Variants in IFT172 observed in about 807,000 individuals in gnomAD.
IFT172 encodes intraflagellar transport protein 172 homolog.
Under a neutral mutation model 248.9 loss-of-function variants are expected in IFT172, and 164 were observed. The ratio of observed to expected loss-of-function variants is 0.66; its 90% CI spans 0.58 to 0.75. IFT172 has a LOEUF of 0.75. Ranked by LOEUF, IFT172 falls within the 30% of genes least tolerant of loss-of-function variation. The probability of loss-of-function intolerance (pLI) is 0.00; values close to 1 mark genes in which losing one functional copy is unlikely to be tolerated. For synonymous variants in IFT172, 729 were observed against 791.6 expected (o/e 0.92, Z 1.33); for missense variants, 1,950 against 2,192.4 (o/e 0.89, Z 2.21).
chr2:27,446,428 G>C (rs1572712077), intron 42 of IFT172, 73 bp from the exon 43 acceptor site: 9 of 1,307,872 alleles, frequency 6.9e-6, no homozygotes, highest in African/African-American at 1.5e-5. Flanking sequence ...ATCCTGTAAG[G>C]CAGCCACAGA....
intron 43 of IFT172, 60 bp from the exon 44 acceptor site, chr2:27,446,048 T>G: frequency 6.3e-7 from 1 of 1,596,834 alleles, no homozygotes; most frequent in East Asian, 2.2e-5. Flanking sequence ...GCTACTTCTC[T>G]GGGATCCAGA....
chr2:27,454,171 A>C lies in IFT172; in HGVS notation c.3531-9T>G. On this transcript the variant is annotated splice_polypyrimidine_tract_variant and intron_variant, in intron 32 of 47. Coordinates refer to ENST00000260570, the MANE Select transcript of IFT172 (RefSeq NM_015662.3). This position sits in a 1 kb window ranked among gnomAD's most constrained non-coding sequence, Gnocchi z 4.2. ...CCTGGTTATGGACAAACCTGCCTCC[A>C]GGTGGGGACAGAGGAGAGACTGAGT... is the stretch of plus-strand genomic sequence containing the variant. 1 of 1,609,786 alleles carries C rather than the reference A, an allele frequency of 6.2e-7. No homozygotes were observed. The highest frequency in any genetic ancestry group is 1.3e-5 in the African/African-American group (1 of 74,908).
Position 27,445,431 on chromosome 2 carries a change from C to T in IFT172, c.4933G>A (p.Val1645Ile), listed in dbSNP as rs149117098. 4.9e-4 allele frequency: 788 copies of T among 1,611,342 alleles called. 1 individual carries two copies. Among genetic ancestry groups the T allele is most frequent in the Middle Eastern group, 5.1e-4 (3 of 5,840 alleles). The change falls in exon 46 of 48, where the codon GTT (valine) becomes ATT (isoleucine). Residue 1645 changes from valine (V) to isoleucine (I), a missense_variant. Around this residue, in one of 3 missense-constraint regions of IFT172, gnomAD observed 620 missense variants for 699.0 expected, o/e 0.89. Coordinates refer to ENST00000260570, the MANE Select transcript of IFT172 (RefSeq NM_015662.3). This position sits in a 1 kb window ranked among gnomAD's most constrained non-coding sequence, Gnocchi z 4.4. ...GAGACTGTAAGCACCCAGTCTCGAA[C>T]CTCTTCTCTCTCAGCCTCCTGGAAA... ...QHVPEAEREE[V>I]RDWVLTVSMD...
intron 30 of IFT172, among the ~76,000 whole-genome samples, chr2:27,456,105 G>A (rs528688301): frequency 3.9e-5 from 6 of 152,076 alleles, no homozygotes; most frequent in East Asian, 1.9e-4. Context: ...CCAGCTACTC[G>A]GGAGGCTGAG....
Position 27,445,380 on chromosome 2 carries a change from G to A in IFT172, c.4984C>T (p.Leu1662=), listed in dbSNP as rs1664971075. 1.9e-6 allele frequency: 3 copies of A among 1,612,912 alleles called. No individual in the cohort carries two copies. The highest frequency in any genetic ancestry group is 2.7e-5 in the African/African-American group (2 of 74,910). The change falls in exon 46 of 48, where the codon CTG becomes TTG. Residue 1662 remains leucine, a synonymous_variant. Transcript: ENST00000260570. This position sits in a 1 kb window ranked among gnomAD's most constrained non-coding sequence, Gnocchi z 4.4. ...VSMDQRLEQV[L]PRDERGAYEA... ...TAGGCGCCACGCTCATCCCGAGGCA[G>A]AACCTGCTCCAGCCGCTGGTCCATG...
chr2:27,446,389 A>C (rs376974765), intron 42 of IFT172, 34 bp from the exon 43 acceptor site: 1 of 1,578,592 alleles, frequency 6.3e-7, no homozygotes, highest in African/African-American at 1.3e-5. Flanking sequence ...TGAATATGGC[A>C]CTAAAGTGAC....
chr2:27,469,132 G>A (rs1258608358), intron 16 of IFT172, among the ~76,000 whole-genome samples: 1 of 152,176 alleles, frequency 6.6e-6, no homozygotes, highest in Non-Finnish European at 1.5e-5. Flanking sequence ...AGTGGCTCAT[G>A]TCTGTAATCC....
Position 27,465,769 on chromosome 2 carries a change from G to C in IFT172, c.1806C>G (p.Ala602=). Residue 602 remains alanine, a synonymous_variant, in exon 17 of 48, where the codon GCC becomes GCG. Transcript: ENST00000260570. ...LDEGLIEFGT[A]IDDGNYIRAT... is the part of the protein sequence containing the mutation. ...ACCGGATGTAGTTGCCATCATCAAT[G>C]GCTGTTCCAAACTCGATGAGGCCCT... 6.2e-7 allele frequency: 1 copy of C among 1,614,066 alleles called. No individual in the cohort carries two copies. The highest frequency in any genetic ancestry group is 8.5e-7 in the Non-Finnish European group (1 of 1,180,014).
chr2:27,448,825 T>TCTGAGAAGATAGTTC (rs1243172068), intron 40 of IFT172, 90 bp downstream of exon 40: 6 of 769,460 alleles, frequency 7.8e-6, no homozygotes, highest in Non-Finnish European at 1.4e-5. Context: ...GATAGAATCC[T>TCTGAGAAGATAGTTC]CTGAGAAGAT....
At chr2:27,471,281 G>A (rs1667554071) in intron 15 of IFT172, 186 bp from the exon 16 acceptor site, 1 of 523,034 alleles carries the variant, frequency 1.9e-6, no homozygotes, top group Admixed American at 3.9e-5. Context: ...AGTAAGAGAT[G>A]ACCCATAGAA....
In IFT172 at chr2:27,461,293, A is replaced by G; in HGVS notation, c.2418T>C (p.Leu806=). 1 of 1,614,096 alleles carries G rather than the reference A, an allele frequency of 6.2e-7. No individual in the cohort carries two copies. The highest frequency in any genetic ancestry group is 8.5e-7 in the Non-Finnish European group (1 of 1,179,996). Reference sequence around the variant, plus strand: ...CCCTTTCGTAGAGTTCCCCCTTGATAAGGGCTGCAGTGATGTGTTCTACCA... The same window carrying G: ...CCCTTTCGTAGAGTTCCCCCTTGATGAGGGCTGCAGTGATGTGTTCTACCA... The part of the protein sequence containing the change: ...TELVEHITAA[L]IKGELYERAG... The change falls in exon 22 of 48, where the codon CTT becomes CTC. Residue 806 remains leucine, a synonymous_variant. Coordinates refer to ENST00000260570, the MANE Select transcript of IFT172 (RefSeq NM_015662.3).
intron 16 of IFT172, among the ~76,000 whole-genome samples, chr2:27,467,293 C>A (rs1249256899): frequency 3.3e-5 from 5 of 151,332 alleles, no homozygotes; most frequent in Non-Finnish European, 5.9e-5. Flanking sequence ...TATCCAGAGG[C>A]CAGATGCAGT....
rs371088301 is a variant in IFT172 at position 27,449,822 on chromosome 2, T to C, written c.4051-22A>G. ...CAGCCTGCACAGTGGGAAATCAGCG[T>C]GGAGACTTTCTCCTCGCTCCCAGTC... On this transcript the variant is annotated intron_variant, in intron 36 of 47. Coordinates refer to ENST00000260570, the MANE Select transcript of IFT172 (RefSeq NM_015662.3). 258 of 1,556,734 alleles carry C rather than the reference T, an allele frequency of 1.7e-4. 2 individuals carry two copies. The highest frequency in any genetic ancestry group is 1.9e-4 in the Admixed American group (11 of 58,002).
chr2:27,462,914 A>G (rs1397803478), intron 19 of IFT172, 121 bp from the exon 20 acceptor site: 3 of 1,176,674 alleles, frequency 2.5e-6, no homozygotes, highest in Non-Finnish European at 3.7e-6. Flanking sequence ...AAAACACTTC[A>G]TGGAGCTTAA....
intron 47 of IFT172, 56 bp downstream of exon 47, chr2:27,444,958 T>C (rs1664917843): frequency 6.3e-7 from 1 of 1,579,076 alleles, no homozygotes; most frequent in African/African-American, 1.4e-5. Context: ...CTTGTTTTTT[T>C]TTCTTTTTTT....
intron 42 of IFT172, among the ~76,000 whole-genome samples, chr2:27,446,680 A>ATT (rs766069964): frequency 0.01 from 807 of 80,466 alleles, 104 homozygotes; most frequent in African/African-American, 0.026. Flanking sequence ...TGCCTGGCTA[A>ATT]TTTTTTTTTT....
chr2:27,457,595 AAAG>A (rs758972299), intron 29 of IFT172, 41 bp downstream of exon 29: 20 of 1,534,246 alleles, frequency 1.3e-5, no homozygotes, highest in Non-Finnish European at 1.7e-5. Flanking sequence ...AAAACGTGGG[AAAG>A]AAGGATGGAT....
chr2:27,473,509 A>C (rs1295168028), intron 14 of IFT172, among the ~76,000 whole-genome samples: 2 of 149,568 alleles, frequency 1.3e-5, no homozygotes, highest in Non-Finnish European at 3.0e-5. Flanking sequence ...ACAGGGTTTC[A>C]CCGTGTTAGC....
chr2:27,485,210 G>C (rs926273929), intron 2 of IFT172, 80 bp from the exon 3 acceptor site: 1 of 1,431,356 alleles, frequency 7.0e-7, no homozygotes, highest in Non-Finnish European at 9.7e-7. Flanking sequence ...AAAGGCATAT[G>C]TGTGCTCCTA....
Sources: allele counts gnomAD v4.1 joint callset (sites outside exome capture counted in the v4.1 genomes callset), GRCh38; gene constraint gnomAD v4.1.1; regional missense constraint gnomAD v4.1.1; non-coding constraint Gnocchi (gnomAD v3.1); transcripts MANE v1.5; gene names NCBI Gene and HGNC (gene_info 2026-07-23, HGNC 2026-07-21).